CNBD1: variants seen among roughly 807,000 people sequenced by gnomAD.
CNBD1 encodes cyclic nucleotide binding domain containing 1, also known as cyclic nucleotide-binding domain-containing protein 1.
CNBD1 carries 71 observed loss-of-function variants against 54.4 expected under a neutral mutation model. The observed-to-expected ratio is 1.30, with a 90% CI of 1.08 to 1.59. The LOEUF (loss-of-function observed/expected upper bound fraction) is 1.59, where lower values mean the gene tolerates loss of function less well. Ranked by LOEUF, CNBD1 falls within the 40% of genes most tolerant of loss-of-function variation. The probability of loss-of-function intolerance (pLI) is 0.00; values close to 1 mark genes in which losing one functional copy is unlikely to be tolerated. For synonymous variants in CNBD1, 182 were observed against 170.7 expected, an observed-to-expected ratio of 1.07 and a Z score of -0.51; for missense variants, 659 against 518.0, an observed-to-expected ratio of 1.27 and a Z score of -2.64.
intron 4 of CNBD1, among the ~76,000 whole-genome samples, chr8:87,028,660 G>T (rs1432499354): frequency 6.6e-6 from 1 of 152,220 alleles, no homozygotes; most frequent in Non-Finnish European, 1.5e-5. Flanking sequence ...GGAGGGGTAA[G>T]AAAGCAATTA....
rs549180189 is a variant in CNBD1, at chr8:87,005,037, A to G, written c.431+65283A>G. Among the ~76,000 whole-genome samples, 4 of 152,198 alleles carry G rather than the reference A, an allele frequency of 2.6e-5. No homozygotes were observed. In the South Asian group the frequency reaches 8.3e-4, roughly 32 times the overall value. Reference sequence around the variant, plus strand: ...TGCTGCATGATTTAATTCATGTAATATAAGATACTTGAAGATTTTTTTTTT... The same window carrying G: ...TGCTGCATGATTTAATTCATGTAATGTAAGATACTTGAAGATTTTTTTTTT... On this transcript the variant is annotated intron_variant, in intron 4 of 10. Coordinates refer to ENST00000518476, the MANE Select transcript of CNBD1 (RefSeq NM_173538.3).
chr8:86,972,641 A>G (rs1808250430), intron 4 of CNBD1, among the ~76,000 whole-genome samples: 1 of 152,146 alleles, frequency 6.6e-6, no homozygotes, highest in Non-Finnish European at 1.5e-5. Context: ...CATCTTCACC[A>G]TTTTTCACTC....
intron 3 of CNBD1, among the ~76,000 whole-genome samples, chr8:86,917,963 C>G (rs911382862): frequency 6.6e-6 from 1 of 152,188 alleles, no homozygotes; most frequent in African/African-American, 2.4e-5. Context: ...TCTGTGAGCT[C>G]ATGAGAAAGT....
chr8:87,094,921 C>T (rs1166488838), intron 4 of CNBD1, among the ~76,000 whole-genome samples: 1 of 152,176 alleles, frequency 6.6e-6, no homozygotes, highest in Non-Finnish European at 1.5e-5. Context: ...CACCTGTAAT[C>T]CCAGCTATTT....
chr8:87,229,006 G>C (rs564186193), intron 5 of CNBD1, among the ~76,000 whole-genome samples: 8 of 152,186 alleles, frequency 5.3e-5, no homozygotes, highest in Non-Finnish European at 1.2e-4. Flanking sequence ...CGATTTTCCC[G>C]ATTTTCCAGG....
intron 6 of CNBD1, among the ~76,000 whole-genome samples, chr8:87,252,826 G>A (rs2130840737): frequency 6.6e-6 from 1 of 152,238 alleles, no homozygotes; most frequent in East Asian, 1.9e-4. Flanking sequence ...GCTACAGGAT[G>A]TCAGGGGTGG....
chr8:87,425,792 C>T (rs1397567319), intron 2 of CNBD1, among the ~76,000 whole-genome samples: 1 of 152,080 alleles, frequency 6.6e-6, no homozygotes, highest in Non-Finnish European at 1.5e-5. Flanking sequence ...GCCCTGCCCC[C>T]AGAGGTGGAG....
chr8:87,189,519 A>G (rs940729060), intron 4 of CNBD1, among the ~76,000 whole-genome samples: 1 of 152,180 alleles, frequency 6.6e-6, no homozygotes, highest in Non-Finnish European at 1.5e-5. Flanking sequence ...CTCTACAAGA[A>G]AAAAGCCCAG....
intron 4 of CNBD1, among the ~76,000 whole-genome samples, chr8:87,089,563 G>T (rs190555507): frequency 1.5e-3 from 229 of 152,124 alleles, no homozygotes; most frequent in African/African-American, 5.2e-3. Context: ...AAAGGTGTCC[G>T]TTACTTTAAG....
At chr8:87,133,696 TA>T (rs200198528) in intron 4 of CNBD1, among the ~76,000 whole-genome samples, 4,096 of 141,514 alleles carry the variant, frequency 0.029, 142 homozygotes, top group African/African-American at 0.091. Context: ...TCTTTTAAAG[TA>T]AAAAAAAAAA....
chr8:87,336,629 T>C (rs1200660283), intron 8 of CNBD1, among the ~76,000 whole-genome samples: 1 of 152,174 alleles, frequency 6.6e-6, no homozygotes, highest in East Asian at 1.9e-4. Context: ...CTTTTTTGCA[T>C]AGGTTTAGAA....
At chr8:86,922,519 C>G (rs1310561301) in intron 3 of CNBD1, among the ~76,000 whole-genome samples, 1 of 152,076 alleles carries the variant, frequency 6.6e-6, no homozygotes, top group Non-Finnish European at 1.5e-5. Context: ...ACCCCTCTAC[C>G]ATGACATAAA....
rs1421757936 is a variant in CNBD1, at chr8:87,182,573, A to G, written c.432-23420A>G. 6.6e-6 allele frequency among the ~76,000 whole-genome samples: 1 copy of G among 151,852 alleles called. No individual in the cohort carries two copies. Among genetic ancestry groups the G allele is most frequent in the African/African-American group, 2.4e-5 (1 of 41,302 alleles). ...AGCATTTGTTATTTTTTGACTTTTT[A>G]ATGATAGCCATTCTGACTGATACGA... On this transcript the variant is annotated intron_variant, in intron 4 of 10. Transcript: ENST00000518476. The surrounding 1 kb of genome is among the most constrained non-coding windows in gnomAD (Gnocchi z 4.1).
intron 4 of CNBD1, among the ~76,000 whole-genome samples, chr8:86,954,423 T>C (rs952076012): frequency 6.6e-6 from 1 of 152,228 alleles, no homozygotes; most frequent in Non-Finnish European, 1.5e-5. Context: ...AACCAAATAA[T>C]ACTCTTTTGA....
chr8:86,920,273 A>C (rs1352638828), intron 3 of CNBD1, among the ~76,000 whole-genome samples: 1 of 152,200 alleles, frequency 6.6e-6, no homozygotes, highest in African/African-American at 2.4e-5. Context: ...AAAGAAGTCC[A>C]ACCAGTAGTT....
intron 4 of CNBD1, among the ~76,000 whole-genome samples, chr8:87,077,428 T>TTA (rs1810896241): frequency 6.6e-6 from 1 of 150,792 alleles, no homozygotes; most frequent in Non-Finnish European, 1.5e-5. Flanking sequence ...TTTTTTTTTT[T>TTA]TTATTATACT....
intron 8 of CNBD1, among the ~76,000 whole-genome samples, chr8:87,296,727 G>A (rs1306076814): frequency 6.6e-6 from 1 of 151,904 alleles, no homozygotes; most frequent in East Asian, 1.9e-4. Context: ...TCTATAAAAA[G>A]AGAAATAAGA....
At chr8:87,153,897 C>A (rs1202866331) in intron 4 of CNBD1, among the ~76,000 whole-genome samples, 1 of 152,052 alleles carries the variant, frequency 6.6e-6, no homozygotes. Context: ...GTTAAGTAAG[C>A]AGAAGGTTTA....
chr8:87,109,386 A>G (rs1162727824), intron 4 of CNBD1, among the ~76,000 whole-genome samples: 1 of 152,102 alleles, frequency 6.6e-6, no homozygotes. Flanking sequence ...TGGCTAAGAT[A>G]CGGAAATAAT....
Sources: gnomAD v4.1 joint callset for allele counts (sites outside exome capture counted in the v4.1 genomes callset) on GRCh38, gnomAD v4.1.1 for gene constraint, Gnocchi (gnomAD v3.1) non-coding constraint, MANE v1.5 for transcripts, NCBI Gene and HGNC (gene_info 2026-07-23, HGNC 2026-07-21) for gene names.